PIEZO2: variants seen among roughly 807,000 people sequenced by gnomAD.
PIEZO2 encodes the protein piezo-type mechanosensitive ion channel component 2.
In PIEZO2, 172 loss-of-function variants were observed where a neutral mutation model predicts 337.3. The observed-to-expected ratio is 0.51, with a 90% CI of 0.45 to 0.58. The LOEUF (loss-of-function observed/expected upper bound fraction) is 0.58, where lower values mean the gene tolerates loss of function less well. Among genes scored for constraint, PIEZO2 ranks in the 20% least tolerant of loss-of-function variants. The pLI, the probability that PIEZO2 is intolerant of heterozygous loss-of-function variation, is 0.00. For synonymous variants in PIEZO2, 1,251 were observed against 1,228.5 expected (o/e 1.02, Z -0.38); for missense variants, 3,028 against 3,391.3 (o/e 0.89, Z 2.66).
At chr18:11,084,646 G>A (rs1213559079) in intron 1 of PIEZO2, among the ~76,000 whole-genome samples, 1 of 152,086 alleles carries the variant, frequency 6.6e-6, no homozygotes, top group Non-Finnish European at 1.5e-5. Flanking sequence ...CTTTGATCCT[G>A]CTTTTGTTTG....
intron 4 of PIEZO2, among the ~76,000 whole-genome samples, chr18:10,886,307 C>G (rs1415157348): frequency 3.2e-5 from 3 of 92,640 alleles, no homozygotes; most frequent in Non-Finnish European, 4.0e-5. Context: ...GCAGATGGTA[C>G]CAAACCCTAT....
At position 10,673,255 on chromosome 18, in the gene PIEZO2, T is replaced by C. The variant is rs114818620; in HGVS notation, c.8162-382A>G. Among the ~76,000 whole-genome samples the C allele has an allele frequency of 0.012, 1,788 of 152,348 alleles. 30 individuals are homozygous for C. The highest frequency in any genetic ancestry group is 0.041 in the African/African-American group (1,689 of 41,584). On this transcript the variant is annotated intron_variant, in intron 54 of 55. Coordinates refer to ENST00000674853, the MANE Select transcript of PIEZO2 (RefSeq NM_001378183.1). The surrounding 1 kb of genome is among the most constrained non-coding windows in gnomAD (Gnocchi z 4.8). Reference sequence around the variant, plus strand: ...ATTCATATTACCAGCATTTGTTGCATGTCTCATAGGAGGAAGGCACTCAAT... The same window carrying C: ...ATTCATATTACCAGCATTTGTTGCACGTCTCATAGGAGGAAGGCACTCAAT...
At chr18:11,106,623 A>G (rs972795649) in intron 1 of PIEZO2, among the ~76,000 whole-genome samples, 1 of 151,836 alleles carries the variant, frequency 6.6e-6, no homozygotes, top group African/African-American at 2.4e-5. Flanking sequence ...TATGGTGCCC[A>G]GGCTGATCTC....
Position 10,672,968 on chromosome 18 carries a change from T to G in PIEZO2, c.8162-95A>C, listed in dbSNP as rs2033845514. 1 of 1,006,552 alleles carries G rather than the reference T, an allele frequency of 9.9e-7. No homozygotes were observed. Among genetic ancestry groups the G allele is most frequent in the Admixed American group, 2.3e-5 (1 of 43,210 alleles). 62.4% of individuals were successfully genotyped at this position (1,006,552 alleles called of 1,614,324 possible). On this transcript the variant is annotated intron_variant, in intron 54 of 55. Transcript: ENST00000674853. The surrounding 1 kb of genome is among the most constrained non-coding windows in gnomAD (Gnocchi z 4.7). ...CAGATGGCAAAATCTGGTTACTAAC[T>G]ATAGCATAAGGTTCTAGGATGAAAA... is the stretch of plus-strand genomic sequence containing the variant.
At chr18:11,034,725 G>A (rs1274674801) in intron 2 of PIEZO2, among the ~76,000 whole-genome samples, 2 of 152,136 alleles carry the variant, frequency 1.3e-5, no homozygotes, top group African/African-American at 4.8e-5. Flanking sequence ...TGTGGCTGTA[G>A]TCCCAGCTAC....
At chr18:11,017,954 C>G (rs1411691585) in intron 2 of PIEZO2, among the ~76,000 whole-genome samples, 1 of 152,080 alleles carries the variant, frequency 6.6e-6, no homozygotes, top group Non-Finnish European at 1.5e-5. Flanking sequence ...ACAGTGAGAC[C>G]CTGTCTCTAT....
chr18:10,932,293 G>T (rs896610864), intron 3 of PIEZO2, among the ~76,000 whole-genome samples: 1 of 152,106 alleles, frequency 6.6e-6, no homozygotes, highest in African/African-American at 2.4e-5. Flanking sequence ...CTACTGGGGA[G>T]GCTGAGGTGG....
At position 10,759,689 on chromosome 18, in the gene PIEZO2, G is replaced by A; in HGVS notation, c.3655+16C>T. 2 of 1,537,194 alleles carry A rather than the reference G, an allele frequency of 1.3e-6. No homozygotes were observed. Among genetic ancestry groups the A allele is most frequent in the Non-Finnish European group, 1.7e-6 (2 of 1,146,840 alleles). ...TTCTTCTAAAAGTAGACGGCTCAAG[G>A]GAAGGGCAGGCTCACCTCGGCAAGG... On this transcript the variant is annotated intron_variant, in intron 25 of 55. Coordinates refer to ENST00000674853, the MANE Select transcript of PIEZO2 (RefSeq NM_001378183.1). This position sits in a 1 kb window ranked among gnomAD's most constrained non-coding sequence, Gnocchi z 5.5.
chr18:11,128,332 C>G lies in PIEZO2; in HGVS notation c.64+20193G>C, dbSNP rs1431495435. ...AGCTGAAATTGTGGAAAAACAGACA[C>G]AAGCTCTTATCATGAGAGTGGCTGA... On this transcript the variant is annotated intron_variant, in intron 1 of 55. Coordinates refer to ENST00000674853, the MANE Select transcript of PIEZO2 (RefSeq NM_001378183.1). The surrounding 1 kb of genome is among the most constrained non-coding windows in gnomAD (Gnocchi z 4.1). Among the ~76,000 whole-genome samples, 1 of 152,186 alleles carries G rather than the reference C, an allele frequency of 6.6e-6. No individual in the cohort carries two copies. The highest frequency in any genetic ancestry group is 6.5e-5 in the Admixed American group (1 of 15,278).
rs2144221564 is a variant in PIEZO2, at chr18:10,795,930, T to C, written c.1528-928A>G. On this transcript the variant is annotated intron_variant, in intron 12 of 55. Coordinates refer to ENST00000674853, the MANE Select transcript of PIEZO2 (RefSeq NM_001378183.1). This position sits in a 1 kb window ranked among gnomAD's most constrained non-coding sequence, Gnocchi z 4.4. ...GGAAAAGGAGAGATTATAGCTTCTT[T>C]TATCTTCTATCTATGGGCCAAGGGT... Among the ~76,000 whole-genome samples the C allele has an allele frequency of 6.6e-6, 1 of 152,264 alleles. No homozygotes were observed. The highest frequency in any genetic ancestry group is 6.5e-5 in the Admixed American group (1 of 15,296).
chr18:10,677,604 A>G lies in PIEZO2; in HGVS notation c.8081+143T>C. On this transcript the variant is annotated intron_variant, in intron 53 of 55. Transcript: ENST00000674853. This position sits in a 1 kb window ranked among gnomAD's most constrained non-coding sequence, Gnocchi z 4.1. ...GAGATTAAGTTTCTTTAATCTTGCAAAATGGGGCCTCCAAATAGAAATTAA... is the reference window on the plus strand; with the variant it reads ...GAGATTAAGTTTCTTTAATCTTGCAGAATGGGGCCTCCAAATAGAAATTAA... 1 of 1,015,390 alleles carries G rather than the reference A, an allele frequency of 9.8e-7. No homozygotes were observed. Among genetic ancestry groups the G allele is most frequent in the Non-Finnish European group, 1.4e-6 (1 of 694,448 alleles). 62.9% of individuals were successfully genotyped at this position (1,015,390 alleles called of 1,614,324 possible). A position where few individuals can be genotyped will look rare whatever the true frequency, so the allele number is the denominator to read the frequency against.
intron 2 of PIEZO2, among the ~76,000 whole-genome samples, chr18:11,051,850 G>T (rs368939607): frequency 6.6e-6 from 1 of 152,322 alleles, no homozygotes; most frequent in East Asian, 1.9e-4. Flanking sequence ...ATGACCTGGT[G>T]CATGACTGGA....
intron 36 of PIEZO2, among the ~76,000 whole-genome samples, chr18:10,722,845 C>T (rs929862268): frequency 7.3e-5 from 11 of 151,194 alleles, no homozygotes; most frequent in African/African-American, 2.2e-4. Context: ...TGGAATATTA[C>T]AGTGTTAAGA....
chr18:10,753,372 T>A (rs1469072998), intron 27 of PIEZO2, among the ~76,000 whole-genome samples: 1 of 152,202 alleles, frequency 6.6e-6, no homozygotes, highest in Admixed American at 6.5e-5. Flanking sequence ...ATGGTGGGGC[T>A]TTTTTGTTCT....
intron 2 of PIEZO2, among the ~76,000 whole-genome samples, chr18:10,996,294 T>G (rs1167347830): frequency 6.6e-6 from 1 of 152,254 alleles, no homozygotes; most frequent in African/African-American, 2.4e-5. Context: ...CAAGTAGGTT[T>G]TATTTGTCAA....
intron 31 of PIEZO2, among the ~76,000 whole-genome samples, chr18:10,743,582 C>T (rs1435516746): frequency 6.6e-6 from 1 of 152,136 alleles, no homozygotes; most frequent in African/African-American, 2.4e-5. Context: ...TCTAGTGCTG[C>T]CTCTAGTTAG....
At chr18:10,916,217 G>A (rs1214351554) in intron 3 of PIEZO2, among the ~76,000 whole-genome samples, 2 of 152,168 alleles carry the variant, frequency 1.3e-5, no homozygotes, top group Non-Finnish European at 2.9e-5. Context: ...CAACTCAGGA[G>A]CCCAGCTGGC....
At chr18:11,139,495 T>C (rs936857655) in intron 1 of PIEZO2, among the ~76,000 whole-genome samples, 2 of 152,150 alleles carry the variant, frequency 1.3e-5, no homozygotes, top group African/African-American at 2.4e-5. Context: ...CTAATAAATA[T>C]ATGGGCATCT....
At chr18:11,090,032 TC>T (rs2039026651) in intron 1 of PIEZO2, among the ~76,000 whole-genome samples, 1 of 152,188 alleles carries the variant, frequency 6.6e-6, no homozygotes, top group Non-Finnish European at 1.5e-5. Flanking sequence ...CCAGCAGGGC[TC>T]TTCTGAGAGA....
Sources: allele counts gnomAD v4.1 joint callset (sites outside exome capture counted in the v4.1 genomes callset), GRCh38; gene constraint gnomAD v4.1.1; non-coding constraint Gnocchi (gnomAD v3.1); transcripts MANE v1.5; gene names NCBI Gene and HGNC (gene_info 2026-07-23, HGNC 2026-07-21).